Variants in C8orf34 observed in about 807,000 individuals in gnomAD.
C8orf34 encodes chromosome 8 open reading frame 34, also known as uncharacterized protein C8orf34.
In C8orf34, 65 loss-of-function variants were observed where a neutral mutation model predicts 68.3. The observed-to-expected ratio is 0.95, with a 90% CI of 0.78 to 1.17. The LOEUF (loss-of-function observed/expected upper bound fraction) is 1.17. C8orf34 is among the 50% of genes most tolerant of loss of function. The pLI, the probability that C8orf34 is intolerant of heterozygous loss-of-function variation, is 0.00. For missense variants in C8orf34, 664 were observed against 655.4 expected (o/e 1.01, Z -0.14); for synonymous variants, 244 against 241.2 (o/e 1.01, Z -0.11).
chr8:68,336,174 C>T (rs923471857), intron 1 of C8orf34, among the ~76,000 whole-genome samples: 3 of 151,490 alleles, frequency 2.0e-5, no homozygotes, highest in African/African-American at 7.3e-5. Context: ...ACAAAAATAA[C>T]ATAGGCTTTC....
intron 9 of C8orf34, among the ~76,000 whole-genome samples, chr8:68,709,691 G>C (rs532623747): frequency 6.6e-6 from 1 of 151,766 alleles, no homozygotes; most frequent in African/African-American, 2.4e-5. Flanking sequence ...GGCCCTCCTC[G>C]GACTATCTCA....
At chr8:68,405,920 A>C (rs1809171365) in intron 1 of C8orf34, among the ~76,000 whole-genome samples, 1 of 152,202 alleles carries the variant, frequency 6.6e-6, no homozygotes, top group African/African-American at 2.4e-5. Flanking sequence ...GGCCATGAAA[A>C]AGTATCACAA....
At chr8:68,446,228 C>T in intron 2 of C8orf34, 101 bp from the exon 3 acceptor site, 1 of 892,338 alleles carries the variant, frequency 1.1e-6, no homozygotes, top group Non-Finnish European at 1.7e-6. Flanking sequence ...ATGAGGTGAC[C>T]TATATGTTTT....
intron 10 of C8orf34, among the ~76,000 whole-genome samples, chr8:68,751,213 C>T (rs1248012773): frequency 1.3e-5 from 2 of 152,112 alleles, no homozygotes; most frequent in Admixed American, 6.6e-5. Flanking sequence ...TAATGAATCC[C>T]ATATTGTAAC....
intron 10 of C8orf34, among the ~76,000 whole-genome samples, chr8:68,769,010 G>A (rs1162035088): frequency 1.3e-5 from 2 of 151,704 alleles, no homozygotes; most frequent in Non-Finnish European, 2.9e-5. Context: ...TTTTTGTCTA[G>A]ATCCTTAAAA....
intron 8 of C8orf34, among the ~76,000 whole-genome samples, chr8:68,651,759 G>C (rs975034721): frequency 6.6e-6 from 1 of 152,116 alleles, no homozygotes; most frequent in Non-Finnish European, 1.5e-5. Flanking sequence ...AAAGTGGGGA[G>C]GTTTGGCGAG....
intron 1 of C8orf34, among the ~76,000 whole-genome samples, chr8:68,349,023 G>A (rs976927286): frequency 1.1e-4 from 17 of 152,088 alleles, no homozygotes; most frequent in Non-Finnish European, 2.2e-4. Context: ...AGTGGTGAGA[G>A]AGGATATCCT....
chr8:68,814,304 G>A (rs1053244352), intron 12 of C8orf34, among the ~76,000 whole-genome samples: 1 of 152,146 alleles, frequency 6.6e-6, no homozygotes, highest in African/African-American at 2.4e-5. Context: ...GTTTTAAAAA[G>A]CCCTCTGGCT....
intron 8 of C8orf34, among the ~76,000 whole-genome samples, chr8:68,689,369 A>G (rs1447157107): frequency 6.6e-6 from 1 of 152,088 alleles, no homozygotes; most frequent in African/African-American, 2.4e-5. Context: ...GAATTCATCC[A>G]TGTAACCAAA....
intron 10 of C8orf34, among the ~76,000 whole-genome samples, chr8:68,766,774 T>TAAAAA: frequency 6.6e-6 from 1 of 152,334 alleles, no homozygotes; most frequent in Admixed American, 6.5e-5. Context: ...GAAATAGTTG[T>TAAAAA]CTGTTTATAT....
intron 8 of C8orf34, among the ~76,000 whole-genome samples, chr8:68,677,292 G>T (rs777880857): frequency 3.3e-5 from 5 of 152,072 alleles, no homozygotes; most frequent in African/African-American, 9.7e-5. Flanking sequence ...TAAGAGGGAA[G>T]TTTATAGCTA....
intron 10 of C8orf34, among the ~76,000 whole-genome samples, chr8:68,755,835 G>A (rs944348054): frequency 2.0e-5 from 3 of 152,032 alleles, no homozygotes; most frequent in Non-Finnish European, 4.4e-5. Context: ...GCCGAAGCAG[G>A]TGGATCACGA....
At chr8:68,673,482 A>G (rs1820083916) in intron 8 of C8orf34, among the ~76,000 whole-genome samples, 1 of 152,112 alleles carries the variant, frequency 6.6e-6, no homozygotes, top group Non-Finnish European at 1.5e-5. Flanking sequence ...TTGAATGAAC[A>G]TCAGCAGTAG....
intron 7 of C8orf34, among the ~76,000 whole-genome samples, chr8:68,543,751 A>G (rs1302901783): frequency 6.6e-6 from 1 of 152,194 alleles, no homozygotes; most frequent in Non-Finnish European, 1.5e-5. Flanking sequence ...TTTTCTTCTG[A>G]TAAAGTTTTT....
chr8:68,587,994 G>A (rs1238353795), intron 7 of C8orf34, among the ~76,000 whole-genome samples: 1 of 152,070 alleles, frequency 6.6e-6, no homozygotes, highest in African/African-American at 2.4e-5. Context: ...AATTTTAGAT[G>A]CCATATTTTT....
At chr8:68,816,050 A>C in intron 13 of C8orf34, 105 bp downstream of exon 13, 2 of 1,570,516 alleles carry the variant, frequency 1.3e-6, no homozygotes. Flanking sequence ...CATGACCTCT[A>C]ATGAGAATAG....
chr8:68,345,643 A>G (rs1402587836), intron 1 of C8orf34, among the ~76,000 whole-genome samples: 6 of 152,160 alleles, frequency 3.9e-5, no homozygotes, highest in African/African-American at 1.4e-4. Flanking sequence ...TAATTAATAC[A>G]GAAAGGAATT....
At chr8:68,395,574 A>G (rs1517123) in intron 1 of C8orf34, among the ~76,000 whole-genome samples, 1,709 of 152,304 alleles carry the variant, frequency 0.011, 38 homozygotes, top group African/African-American at 0.039. Context: ...AATGAAAAAT[A>G]AAATTGAAAA....
chr8:68,491,673 A>G (rs997663520), intron 5 of C8orf34, among the ~76,000 whole-genome samples: 1 of 152,356 alleles, frequency 6.6e-6, no homozygotes, highest in South Asian at 2.1e-4. Flanking sequence ...AATCTTAATC[A>G]TGCAAAGTCC....
Sources: allele counts gnomAD v4.1 joint callset (sites outside exome capture counted in the v4.1 genomes callset), GRCh38; gene constraint gnomAD v4.1.1; transcripts MANE v1.5; gene names NCBI Gene and HGNC (gene_info 2026-07-23, HGNC 2026-07-21).